The following IGSF9B variants were observed in gnomAD, a reference collection of about 807,000 sequenced individuals.
The protein encoded by IGSF9B is immunoglobulin superfamily member 9B.
In IGSF9B, 48 loss-of-function variants were observed where a neutral mutation model predicts 143.7. The observed-to-expected ratio is 0.33, with a 90% CI of 0.26 to 0.42. IGSF9B has a LOEUF of 0.42. Among genes scored for constraint, IGSF9B ranks in the 20% least tolerant of loss-of-function variants. The probability of loss-of-function intolerance (pLI) is 1.00; values close to 1 mark genes in which losing one functional copy is unlikely to be tolerated. For synonymous variants in IGSF9B, 903 were observed against 833.1 expected (o/e 1.08, Z -1.44); for missense variants, 1,706 against 1,980.0 (o/e 0.86, Z 2.63).
Position 133,956,715 on chromosome 11 carries a change from C to G in IGSF9B, c.40G>C (p.Gly14Arg). The G allele has an allele frequency of 6.5e-7, 1 of 1,547,848 alleles. No homozygotes were observed. The highest frequency in any genetic ancestry group is 8.7e-7 in the Non-Finnish European group (1 of 1,148,888). The stretch of plus-strand genomic sequence containing the variant: ...CCTTCAGCCGCAAGCCCTCGGGTGC[C>G]GATCACACTTGCTATGAAAGTGGCC... ...YVATFIASVI[G>R]TRGLAAEGAH... Residue 14 changes from glycine (G) to arginine (R), a missense_variant, in exon 1 of 20, where the codon GGC (glycine) becomes CGC (arginine). By Grantham distance (125) the Gly-to-Arg change is moderately radical. Coordinates refer to ENST00000533871, the MANE Select transcript of IGSF9B (RefSeq NM_001277285.4).
At chr11:133,942,235 T>G (rs1939965825) in intron 3 of IGSF9B, among the ~76,000 whole-genome samples, 1 of 152,174 alleles carries the variant, frequency 6.6e-6, no homozygotes, top group Non-Finnish European at 1.5e-5. Context: ...CTGTGCAAGA[T>G]CCAGCATTTC....
intron 18 of IGSF9B, among the ~76,000 whole-genome samples, chr11:133,916,138 A>C (rs1939377299): frequency 6.6e-6 from 1 of 152,148 alleles, no homozygotes; most frequent in Non-Finnish European, 1.5e-5. Flanking sequence ...GTGGAAGCAG[A>C]GGTGAGGACA....
rs1468084407 is a variant in IGSF9B at position 133,927,004 on chromosome 11, C to T, written c.1719G>A (p.Glu573=). ...CGCTGAACTGGTACGCTGTCTCAGG[C>T]TCCAGGGTGTCCACCAGCAGCCAGC... ...GPSWLLVDTL[E]PETAYQFSVL... is the part of the protein sequence containing the mutation. Residue 573 remains glutamate (E), a synonymous_variant, in exon 13 of 20, where the codon GAG becomes GAA. Coordinates refer to ENST00000533871, the MANE Select transcript of IGSF9B (RefSeq NM_001277285.4). 6.3e-7 allele frequency: 1 copy of T among 1,580,526 alleles called. No homozygotes were observed. Among genetic ancestry groups the T allele is most frequent in the Admixed American group, 1.8e-5 (1 of 55,396 alleles).
At chr11:133,915,268 CTTTTTTT>C (rs33964936) in intron 18 of IGSF9B, among the ~76,000 whole-genome samples, 1 of 86,704 alleles carries the variant, frequency 1.2e-5, no homozygotes, top group African/African-American at 4.6e-5. Flanking sequence ...CTCTCTCTCT[CTTTTTTT>C]TTTTTTTTTT....
At chr11:133,946,902 C>T (rs1023607995) in intron 1 of IGSF9B, among the ~76,000 whole-genome samples, 3 of 152,180 alleles carry the variant, frequency 2.0e-5, no homozygotes, top group Non-Finnish European at 2.9e-5. Flanking sequence ...CAGGCTGAGC[C>T]GGCCTCTCCA....
chr11:133,956,735 G>A lies in IGSF9B; in HGVS notation c.20C>T (p.Thr7Ile). 2 of 1,544,698 alleles carry A rather than the reference G, an allele frequency of 1.3e-6. No individual in the cohort carries two copies. The highest frequency in any genetic ancestry group is 1.7e-6 in the Non-Finnish European group (2 of 1,147,106). The change falls in exon 1 of 20, where the codon ACT (threonine) becomes ATT (isoleucine). Residue 7 changes from threonine to isoleucine, a missense_variant. Around this residue, in one of 7 missense-constraint regions of IGSF9B, gnomAD observed 171 missense variants for 213.9 expected, o/e 0.80. Coordinates refer to ENST00000533871, the MANE Select transcript of IGSF9B (RefSeq NM_001277285.4). MIWYVA[T>I]FIASVIGTRG... The stretch of plus-strand genomic sequence containing the variant: ...GGTGCCGATCACACTTGCTATGAAA[G>A]TGGCCACATACCAAATCATAGTACT...
intron 15 of IGSF9B, among the ~76,000 whole-genome samples, chr11:133,923,831 G>A (rs1308637462): frequency 6.6e-6 from 1 of 152,350 alleles, no homozygotes; most frequent in Non-Finnish European, 1.5e-5. Flanking sequence ...ATGGTCAGGG[G>A]TGGGCCCACA....
In IGSF9B at chr11:133,946,771, A is replaced by C. The variant is rs575292176; in HGVS notation, c.65-513T>G. ...ATGACAGAGCCAGCCTTCCTCCTCC[A>C]CCCCACCCCCAGCTCAGCCCGATGT... is the stretch of plus-strand genomic sequence containing the variant. On this transcript the variant is annotated intron_variant, in intron 1 of 19. Transcript: ENST00000533871. Among the ~76,000 whole-genome samples the C allele has an allele frequency of 1.0e-3, 154 of 151,852 alleles. 1 individual carries two copies. The highest frequency in any genetic ancestry group is 5.9e-5 in the Non-Finnish European group (4 of 67,936).
intron 18 of IGSF9B, 107 bp from the exon 19 acceptor site, chr11:133,912,114 A>T: frequency 1.5e-6 from 2 of 1,316,404 alleles, no homozygotes; most frequent in Non-Finnish European, 2.0e-6. Context: ...GACAGAGTTC[A>T]GTCCTACAGA....
chr11:133,936,456 G>A (rs1442078204), intron 5 of IGSF9B, among the ~76,000 whole-genome samples: 1 of 152,062 alleles, frequency 6.6e-6, no homozygotes, highest in Non-Finnish European at 1.5e-5. Context: ...AGCCAGACAT[G>A]CAGCAGGGAG....
At chr11:133,926,019 CACCGCA>C in intron 13 of IGSF9B, 54 bp from the exon 14 acceptor site, 1 of 1,276,828 alleles carries the variant, frequency 7.8e-7, no homozygotes, top group Non-Finnish European at 1.1e-6. Context: ...CCAGGGCAGC[CACCGCA>C]CCCCCCACAC....
chr11:133,920,033 T>C lies in IGSF9B; in HGVS notation c.3692A>G (p.Gln1231Arg). Reference sequence around the variant, plus strand: ...CAGGGTGATCTCTGACATCTCTGCCTGCTGCAGGAGGCCCGGGCGAGGCCG... The same window carrying C: ...CAGGGTGATCTCTGACATCTCTGCCCGCTGCAGGAGGCCCGGGCGAGGCCG... Reference protein sequence around the residue: ...RARPRPGLLQQAEMSEITLQP... With the variant: ...RARPRPGLLQRAEMSEITLQP... The change falls in exon 18 of 20, where the codon CAG becomes CGG. Residue 1231 changes from glutamine (Q) to arginine (R), a missense_variant. Gln to Arg is a conservative substitution (Grantham distance 43). This residue lies in a region of IGSF9B where 880 missense variants were observed against 762.9 expected (regional missense o/e 1.15). Coordinates refer to ENST00000533871, the MANE Select transcript of IGSF9B (RefSeq NM_001277285.4). 2 of 1,578,568 alleles carry C rather than the reference T, an allele frequency of 1.3e-6. No homozygotes were observed. Among genetic ancestry groups the C allele is most frequent in the South Asian group, 2.3e-5 (2 of 87,034 alleles).
Position 133,956,483 on chromosome 11 carries a change from C to T in IGSF9B, c.64+208G>A, listed in dbSNP as rs936388419. Among the ~76,000 whole-genome samples, 9 of 151,420 alleles carry T rather than the reference C, an allele frequency of 5.9e-5. No homozygotes were observed. In the South Asian group the frequency reaches 1.2e-3, roughly 21 times the overall value. ...GCCCGTGGGCTCTGGCCCCTTCCCG[C>T]CCGCCCCTCCAGCCCACGGCCCCCA... On this transcript the variant is annotated intron_variant, in intron 1 of 19. Transcript: ENST00000533871.
Position 133,921,380 on chromosome 11 carries a change from A to C in IGSF9B, c.2345T>G (p.Val782Gly). 1 of 1,527,684 alleles carries C rather than the reference A, an allele frequency of 6.5e-7. No homozygotes were observed. The highest frequency in any genetic ancestry group is 2.3e-5 in the East Asian group (1 of 43,734). 94.6% of individuals were successfully genotyped at this position (1,527,684 alleles called of 1,614,324 possible). Reference protein sequence around the residue: ...SLESPLSSGKVSPESIRTLRA... With the variant: ...SLESPLSSGKGSPESIRTLRA... Reference sequence around the variant, plus strand: ...GAGCGTGCGGATGCTCTCGGGGCTCACCTTGCCAGAGGACAAGCTGCAAGG... The same window carrying C: ...GAGCGTGCGGATGCTCTCGGGGCTCCCCTTGCCAGAGGACAAGCTGCAAGG... Residue 782 changes from valine to glycine, a missense_variant, in exon 18 of 20, where the codon GTG becomes GGG. Physicochemically the swap from Val to Gly is moderately radical, Grantham distance 109. Transcript: ENST00000533871.
intron 1 of IGSF9B, among the ~76,000 whole-genome samples, chr11:133,955,533 G>A (rs1591729975): frequency 1.3e-5 from 2 of 152,144 alleles, no homozygotes; most frequent in South Asian, 4.1e-4. Context: ...AGGGTTCTCT[G>A]TCGGCGAGTC....
chr11:133,938,840 T>C (rs1045582598), intron 3 of IGSF9B, among the ~76,000 whole-genome samples: 1 of 152,176 alleles, frequency 6.6e-6, no homozygotes, highest in Non-Finnish European at 1.5e-5. Context: ...TCTGGTAGGC[T>C]TGACAAGTTA....
In IGSF9B at chr11:133,929,711, G is replaced by A. The variant is rs768092855; in HGVS notation, c.1591C>T (p.Pro531Ser). 6 of 1,613,802 alleles carry A rather than the reference G, an allele frequency of 3.7e-6. No individual in the cohort carries two copies. Among genetic ancestry groups the A allele is most frequent in the Admixed American group, 1.7e-5 (1 of 59,994 alleles). ...TGCTCGTAGCCTCCATCATAGCCTGGTTCCCAGGACACGTTGGCAGTTGTC... is the reference window on the plus strand; with the variant it reads ...TGCTCGTAGCCTCCATCATAGCCTGATTCCCAGGACACGTTGGCAGTTGTC... ...SMTTANVSWE[P>S]GYDGGYEQTF... Residue 531 changes from proline (P) to serine (S), a missense_variant, in exon 12 of 20, where the codon CCA (proline) becomes TCA (serine). Pro to Ser is a moderately conservative substitution (Grantham distance 74). This residue lies in a region of IGSF9B where 267 missense variants were observed against 321.1 expected (regional missense o/e 0.83). Transcript: ENST00000533871.
rs951267153 is a variant in IGSF9B at position 133,925,496 on chromosome 11, C to T, written c.2034+243G>A. Among the ~76,000 whole-genome samples the T allele has an allele frequency of 1.6e-4, 25 of 152,142 alleles. 1 individual carries two copies. Among genetic ancestry groups the T allele is most frequent in the Admixed American group, 1.4e-3 (22 of 15,278 alleles). The stretch of plus-strand genomic sequence containing the variant: ...TGCCCTGCCCAGCTTGTAGCGGTGC[C>T]GGGACCCTCAGTAGAACACAGGTCC... On this transcript the variant is annotated intron_variant, in intron 14 of 19. Coordinates refer to ENST00000533871, the MANE Select transcript of IGSF9B (RefSeq NM_001277285.4).
chr11:133,919,665 G>C (rs570920525), intron 18 of IGSF9B, 77 bp downstream of exon 18: 6 of 936,860 alleles, frequency 6.4e-6, no homozygotes, highest in Non-Finnish European at 8.8e-6. Flanking sequence ...GCGGATGGAC[G>C]GGGTGGAGGG....
Sources: allele counts gnomAD v4.1 joint callset (sites outside exome capture counted in the v4.1 genomes callset), GRCh38; gene constraint gnomAD v4.1.1; regional missense constraint gnomAD v4.1.1; transcripts MANE v1.5; gene names NCBI Gene and HGNC (gene_info 2026-07-23, HGNC 2026-07-21).